Variants in TENM3 observed in about 807,000 individuals in gnomAD.
TENM3 encodes teneurin transmembrane protein 3.
TENM3 carries 63 observed loss-of-function variants against 255.1 expected under a neutral mutation model. That is an observed-to-expected ratio of 0.25 (90% CI 0.20 to 0.30). The LOEUF (loss-of-function observed/expected upper bound fraction) is 0.30, where lower values mean the gene tolerates loss of function less well. TENM3 is among the 10% of genes least tolerant of loss of function. The pLI, the probability that TENM3 is intolerant of heterozygous loss-of-function variation, is 1.00. For missense variants in TENM3, 2,929 were observed against 3,461.1 expected (o/e 0.85, Z 3.86); for synonymous variants, 1,306 against 1,322.3 (o/e 0.99, Z 0.27).
At chr4:182,716,925 G>A (rs1338639960) in intron 13 of TENM3, among the ~76,000 whole-genome samples, 1 of 152,176 alleles carries the variant, frequency 6.6e-6, no homozygotes, top group Non-Finnish European at 1.5e-5. Flanking sequence ...GAGGAGGAGA[G>A]GGTGAAGAGC....
the TENM3 span, among the ~76,000 whole-genome samples, chr4:181,482,217 G>C: frequency 6.6e-6 from 1 of 152,078 alleles, no homozygotes; most frequent in African/African-American, 2.4e-5. Flanking sequence ...AAGGTAATTA[G>C]CATAATGATG....
Position 182,628,832 on chromosome 4 carries a change from G to A in TENM3, c.931G>A (p.Ala311Thr). The change falls in exon 5 of 28, where the codon GCA (alanine) becomes ACA (threonine). Residue 311 changes from alanine to threonine, a missense_variant. Physicochemically the swap from Ala to Thr is moderately conservative, Grantham distance 58. Around this residue, in one of 6 missense-constraint regions of TENM3, gnomAD observed 1,608 missense variants for 1,884.4 expected, o/e 0.85. Coordinates refer to ENST00000511685, the MANE Select transcript of TENM3 (RefSeq NM_001080477.4). The part of the protein sequence containing the change: ...SSKYCSWKCT[A>T]LCAVGVSVLL... ...AAAGTACTGTAGCTGGAAATGCACT[G>A]CACTGTGTGCCGTAGGGGTCTCGGT... 2 of 1,610,832 alleles carry A rather than the reference G, an allele frequency of 1.2e-6. No homozygotes were observed. The highest frequency in any genetic ancestry group is 1.7e-6 in the Non-Finnish European group (2 of 1,178,546).
the TENM3 span, among the ~76,000 whole-genome samples, chr4:181,710,227 A>T: frequency 6.6e-6 from 1 of 152,144 alleles, no homozygotes; most frequent in Non-Finnish European, 1.5e-5. Context: ...GAGTTAGAGG[A>T]ATAAAACAAG....
chr4:181,726,421 T>C, the TENM3 span, among the ~76,000 whole-genome samples: 1 of 152,178 alleles, frequency 6.6e-6, no homozygotes, highest in South Asian at 2.1e-4. Flanking sequence ...GTAGGTGTTA[T>C]CATCCCAATC....
intron 3 of TENM3, among the ~76,000 whole-genome samples, chr4:182,436,264 C>T (rs909928392): frequency 3.2e-4 from 48 of 152,060 alleles, no homozygotes; most frequent in African/African-American, 1.1e-3. Context: ...CCAAACGGAC[C>T]GAGTTCCGAG....
At chr4:181,794,711 T>A in the TENM3 span, among the ~76,000 whole-genome samples, 1 of 143,496 alleles carries the variant, frequency 7.0e-6, no homozygotes, top group Non-Finnish European at 1.5e-5. Flanking sequence ...CAGCACTTTT[T>A]ATTACTTTTA....
chr4:181,626,622 A>G, the TENM3 span, among the ~76,000 whole-genome samples: 1 of 152,126 alleles, frequency 6.6e-6, no homozygotes, highest in African/African-American at 2.4e-5. Context: ...GAGAACTCAG[A>G]GCAAGAACTC....
chr4:182,381,288 T>C (rs4862056), intron 3 of TENM3, among the ~76,000 whole-genome samples: 125,540 of 152,182 alleles, frequency 0.82, 52,142 homozygotes, highest in Non-Finnish European at 0.88. Context: ...TCTCCCTAGC[T>C]CCCTGACCAC....
At chr4:181,702,017 C>A in the TENM3 span, among the ~76,000 whole-genome samples, 1 of 152,146 alleles carries the variant, frequency 6.6e-6, no homozygotes, top group Non-Finnish European at 1.5e-5. Context: ...GCCATCCACC[C>A]ACCCCAGCAG....
intron 3 of TENM3, among the ~76,000 whole-genome samples, chr4:182,557,095 G>A (rs1339795870): frequency 2.0e-5 from 3 of 152,002 alleles, no homozygotes; most frequent in Non-Finnish European, 2.9e-5. Flanking sequence ...GTTTTTTTGT[G>A]GAGCTTTTTT....
chr4:182,095,977 T>G, the TENM3 span, among the ~76,000 whole-genome samples: 1 of 151,556 alleles, frequency 6.6e-6, no homozygotes, highest in Non-Finnish European at 1.5e-5. Flanking sequence ...AAAAACAGAA[T>G]AAATATCCAG....
Position 182,730,081 on chromosome 4 carries a change from A to G in TENM3, c.2586-119A>G, listed in dbSNP as rs60514984. On this transcript the variant is annotated intron_variant, in intron 14 of 27. Coordinates refer to ENST00000511685, the MANE Select transcript of TENM3 (RefSeq NM_001080477.4). ...AGTATTTCAGGTCTGATTTTTGTGAATAACGATGGATTGCATAGCATAGTG... is the reference window on the plus strand; with the variant it reads ...AGTATTTCAGGTCTGATTTTTGTGAGTAACGATGGATTGCATAGCATAGTG... The G allele has an allele frequency of 8.2e-4, 1,022 of 1,248,354 alleles. 5 individuals are homozygous for G. The African/African-American group carries it at 0.014, about 17-fold the overall frequency. 77.3% of individuals were successfully genotyped at this position (1,248,354 alleles called of 1,614,324 possible). A position where few individuals can be genotyped will look rare whatever the true frequency, so the allele number is the denominator to read the frequency against.
In TENM3 at chr4:182,404,519, GT is replaced by G. The variant is rs1264362108; in HGVS notation, c.511+57591del. Among the ~76,000 whole-genome samples, 3 of 152,172 alleles carry G rather than the reference GT, an allele frequency of 2.0e-5. No homozygotes were observed. In the East Asian group the frequency reaches 5.8e-4, roughly 29 times the overall value. On this transcript the variant is annotated intron_variant, in intron 3 of 27. Coordinates refer to ENST00000511685, the MANE Select transcript of TENM3 (RefSeq NM_001080477.4). ...GGATCAAGTACAAATGAAGTTGACAGTGTATGCCTAATCAGAGTGCGGAGAA... is the reference window on the plus strand; with the variant it reads ...GGATCAAGTACAAATGAAGTTGACAGGTATGCCTAATCAGAGTGCGGAGAA...
At chr4:182,425,274 A>G (rs1771117832) in intron 3 of TENM3, among the ~76,000 whole-genome samples, 1 of 152,130 alleles carries the variant, frequency 6.6e-6, no homozygotes, top group African/African-American at 2.4e-5. Context: ...TTATTTCTCC[A>G]AAAAAAGTCA....
intron 5 of TENM3, among the ~76,000 whole-genome samples, chr4:182,648,626 A>G (rs1001851953): frequency 6.6e-6 from 1 of 152,152 alleles, no homozygotes; most frequent in South Asian, 2.1e-4. Context: ...TTAGAAAAGT[A>G]TATGGATCGC....
intron 3 of TENM3, among the ~76,000 whole-genome samples, chr4:182,503,653 A>G (rs1445902141): frequency 1.3e-5 from 2 of 152,240 alleles, no homozygotes; most frequent in East Asian, 3.9e-4. Context: ...GATGGTTTTC[A>G]CGGTAGAGGG....
At chr4:182,715,766 C>G (rs1192696367) in intron 13 of TENM3, among the ~76,000 whole-genome samples, 3 of 152,212 alleles carry the variant, frequency 2.0e-5, no homozygotes, top group African/African-American at 7.2e-5. Flanking sequence ...CTCACACACA[C>G]ACACAGAGAC....
chr4:182,215,350 A>G (rs994015528), intron 1 of TENM3, among the ~76,000 whole-genome samples: 6 of 152,218 alleles, frequency 3.9e-5, no homozygotes, highest in Non-Finnish European at 7.3e-5. Context: ...GGCGAGCTCT[A>G]TCTTCACTGA....
chr4:182,555,307 A>G (rs998345800), intron 3 of TENM3, among the ~76,000 whole-genome samples: 15 of 152,176 alleles, frequency 9.9e-5, no homozygotes, highest in Non-Finnish European at 1.9e-4. Flanking sequence ...ATCAAGAAAT[A>G]TAGTTTGAAT....
Sources: gnomAD v4.1 joint callset for allele counts (sites outside exome capture counted in the v4.1 genomes callset) on GRCh38, gnomAD v4.1.1 for gene constraint, gnomAD v4.1.1 regional missense constraint, MANE v1.5 for transcripts, NCBI Gene and HGNC (gene_info 2026-07-23, HGNC 2026-07-21) for gene names.